The following SLC41A3 variants were observed in gnomAD, a reference collection of about 807,000 sequenced individuals.
The protein encoded by SLC41A3 is SLC41A1-like 2.
Under a neutral mutation model 45.4 loss-of-function variants are expected in SLC41A3, and 44 were observed. That is an observed-to-expected ratio of 0.97 (90% CI 0.76 to 1.25). The LOEUF is 1.25. Among genes scored for constraint, SLC41A3 ranks in the 50% most tolerant of loss-of-function variants. The pLI, the probability that SLC41A3 is intolerant of heterozygous loss-of-function variation, is 0.00. For missense variants in SLC41A3, 550 were observed against 600.6 expected (o/e 0.92, Z 0.88); for synonymous variants, 256 against 252.4 (o/e 1.01, Z -0.13).
chr3:126,060,672 G>A (rs541371245), intron 2 of SLC41A3, among the ~76,000 whole-genome samples: 1 of 147,024 alleles, frequency 6.8e-6, no homozygotes, highest in South Asian at 2.2e-4. Flanking sequence ...AAGAAAACAT[G>A]TCAACACAGC....
intron 4 of SLC41A3, among the ~76,000 whole-genome samples, chr3:126,030,894 AG>A (rs1941749669): frequency 1.3e-5 from 2 of 152,244 alleles, no homozygotes; most frequent in Non-Finnish European, 1.5e-5. Context: ...ACAGGAATTT[AG>A]GGGGAAACTT....
intron 10 of SLC41A3, among the ~76,000 whole-genome samples, chr3:126,008,238 A>G (rs976617836): frequency 6.6e-5 from 10 of 150,388 alleles, no homozygotes; most frequent in Non-Finnish European, 1.2e-4. Context: ...GCAAGATGAC[A>G]TGTGTAGTAT....
chr3:126,090,439 A>G (rs561460110), intron 1 of SLC41A3, among the ~76,000 whole-genome samples: 1 of 152,200 alleles, frequency 6.6e-6, no homozygotes, highest in African/African-American at 2.4e-5. Context: ...TTGGCAGTAG[A>G]TTTTGACCAT....
intron 6 of SLC41A3, among the ~76,000 whole-genome samples, chr3:126,017,343 T>C (rs1445287557): frequency 6.6e-6 from 1 of 152,212 alleles, no homozygotes; most frequent in Non-Finnish European, 1.5e-5. Flanking sequence ...GTCAGGGCTA[T>C]GGCCTGGGTC....
chr3:126,056,750 A>G, intron 2 of SLC41A3: 2 of 1,413,860 alleles, frequency 1.4e-6, no homozygotes, highest in African/African-American at 1.4e-5. Flanking sequence ...TGAGTGAGGA[A>G]CAAAGGCCAG....
At chr3:126,048,291 C>T (rs1013743144) in intron 3 of SLC41A3, among the ~76,000 whole-genome samples, 1 of 152,010 alleles carries the variant, frequency 6.6e-6, no homozygotes, top group Non-Finnish European at 1.5e-5. Flanking sequence ...AGGTTTTGCC[C>T]ATTTTGTTTT....
chr3:126,056,903 C>T (rs1465760896), intron 2 of SLC41A3: 10 of 1,117,926 alleles, frequency 8.9e-6, no homozygotes, highest in South Asian at 5.7e-5. Context: ...CCCTCTGCAC[C>T]GGCCTTGACA....
intron 1 of SLC41A3, among the ~76,000 whole-genome samples, chr3:126,099,066 C>A (rs1945660813): frequency 6.6e-6 from 1 of 151,740 alleles, no homozygotes; most frequent in African/African-American, 2.4e-5. Flanking sequence ...TGTGCCTGGC[C>A]AAATTTTATG....
At chr3:126,099,186 T>G (rs1047447119) in intron 1 of SLC41A3, among the ~76,000 whole-genome samples, 2 of 152,106 alleles carry the variant, frequency 1.3e-5, no homozygotes, top group Non-Finnish European at 2.9e-5. Flanking sequence ...CTCAGCTACT[T>G]TGCAATTGAA....
chr3:126,038,857 G>A (rs756115135), intron 3 of SLC41A3, among the ~76,000 whole-genome samples: 2 of 152,224 alleles, frequency 1.3e-5, no homozygotes, highest in Non-Finnish European at 2.9e-5. Flanking sequence ...GTGATCCCCA[G>A]TGTTGGAGGT....
chr3:126,034,595 G>A (rs1252854422), intron 3 of SLC41A3, among the ~76,000 whole-genome samples: 3 of 152,234 alleles, frequency 2.0e-5, no homozygotes, highest in African/African-American at 7.2e-5. Flanking sequence ...CCCACCGCAG[G>A]TGTCCCTGTT....
intron 7 of SLC41A3, 101 bp downstream of exon 7, chr3:126,016,630 C>T: frequency 7.0e-7 from 1 of 1,431,232 alleles, no homozygotes; most frequent in Non-Finnish European, 9.3e-7. Context: ...AGCTACATTT[C>T]ACTCCATTCC....
chr3:126,046,774 C>T (rs1392120410), intron 3 of SLC41A3, among the ~76,000 whole-genome samples: 1 of 151,014 alleles, frequency 6.6e-6, no homozygotes, highest in African/African-American at 2.4e-5. Context: ...CCAGCCTGGC[C>T]AACATGATGA....
At chr3:126,043,300 A>G (rs908681157) in intron 3 of SLC41A3, among the ~76,000 whole-genome samples, 2 of 152,122 alleles carry the variant, frequency 1.3e-5, no homozygotes, top group Admixed American at 6.5e-5. Flanking sequence ...ATCTGGCAAA[A>G]CTATTTTACA....
In SLC41A3 at chr3:126,067,275, T is replaced by G. The variant is rs577807212; in HGVS notation, c.273+672A>C. Among the ~76,000 whole-genome samples the G allele has an allele frequency of 3.3e-5, 5 of 152,328 alleles. No homozygotes were observed. The South Asian group carries it at 1.0e-3, about 32-fold the overall frequency. ...GATGATTCACTGCAACATTTGTTTTTTAAGTGGTTACAGGCTAAATTATGT... is the reference window on the plus strand; with the variant it reads ...GATGATTCACTGCAACATTTGTTTTGTAAGTGGTTACAGGCTAAATTATGT... On this transcript the variant is annotated intron_variant, in intron 2 of 10. Coordinates refer to ENST00000360370, the MANE Select transcript of SLC41A3 (RefSeq NM_017836.4).
chr3:126,093,437 G>A (rs1945530309), intron 1 of SLC41A3, among the ~76,000 whole-genome samples: 1 of 152,152 alleles, frequency 6.6e-6, no homozygotes, highest in Non-Finnish European at 1.5e-5. Context: ...CCTCACCCCT[G>A]TACAATGTCT....
At chr3:126,092,132 G>A (rs999201062) in intron 1 of SLC41A3, among the ~76,000 whole-genome samples, 5 of 152,166 alleles carry the variant, frequency 3.3e-5, no homozygotes, top group African/African-American at 1.2e-4. Context: ...GCCATAAACT[G>A]GCCCCAAAAG....
intron 1 of SLC41A3, among the ~76,000 whole-genome samples, chr3:126,077,216 A>T (rs1329590363): frequency 6.6e-6 from 1 of 152,040 alleles, no homozygotes; most frequent in Admixed American, 6.5e-5. Context: ...CATCTCTATC[A>T]AAAAATACAA....
chr3:126,083,396 G>C (rs2108108381), intron 1 of SLC41A3, among the ~76,000 whole-genome samples: 1 of 152,340 alleles, frequency 6.6e-6, no homozygotes, highest in South Asian at 2.1e-4. Context: ...AAAACTGGAA[G>C]AAAGAGGAAA....
Sources: gnomAD v4.1 joint callset for allele counts (sites outside exome capture counted in the v4.1 genomes callset) on GRCh38, gnomAD v4.1.1 for gene constraint, MANE v1.5 for transcripts, NCBI Gene and HGNC (gene_info 2026-07-23, HGNC 2026-07-21) for gene names.